UST: variants seen among roughly 807,000 people sequenced by gnomAD.
The protein encoded by UST is chondroitin sulfate 2-O-sulfotransferase.
In UST, 21 loss-of-function variants were observed where a neutral mutation model predicts 45.6. The observed-to-expected ratio is 0.46, with a 90% CI of 0.33 to 0.66. UST has a LOEUF of 0.66. Among genes scored for constraint, UST ranks in the 30% least tolerant of loss-of-function variants. The pLI is 0.02. For missense variants in UST, 463 were observed against 512.4 expected (o/e 0.90, Z 0.93); for synonymous variants, 215 against 200.6 (o/e 1.07, Z -0.61).
chr6:148,847,914 T>C (rs1478196052), intron 1 of UST, among the ~76,000 whole-genome samples: 1 of 152,180 alleles, frequency 6.6e-6, no homozygotes, highest in Non-Finnish European at 1.5e-5. Flanking sequence ...AATTGAGTCT[T>C]TTCTATAATC....
rs572955161 is a variant in UST, at chr6:148,887,971, A to G, written c.291+942A>G. On this transcript the variant is annotated intron_variant, in intron 2 of 7. Coordinates refer to ENST00000367463, the MANE Select transcript of UST (RefSeq NM_005715.3). ...GTAAATACACGGTGAGAAGATAATG[A>G]ACCCCCAACCTTAGAGGCTTTGGGG... 3.9e-5 allele frequency among the ~76,000 whole-genome samples: 6 copies of G among 152,350 alleles called. No homozygotes were observed. The East Asian group carries it at 1.2e-3, about 29-fold the overall frequency.
At chr6:148,955,396 A>G (rs562573113) in intron 4 of UST, among the ~76,000 whole-genome samples, 1 of 152,382 alleles carries the variant, frequency 6.6e-6, no homozygotes, top group African/African-American at 2.4e-5. Flanking sequence ...AGCAGAGAAA[A>G]GGAGCTGCTG....
intron 1 of UST, among the ~76,000 whole-genome samples, chr6:148,805,240 G>C (rs943428566): frequency 5.3e-5 from 8 of 152,150 alleles, no homozygotes; most frequent in African/African-American, 1.7e-4. Context: ...CAATTTGGTT[G>C]TTTATGTAAA....
intron 1 of UST, among the ~76,000 whole-genome samples, chr6:148,780,640 G>C (rs957641205): frequency 1.3e-5 from 2 of 152,134 alleles, no homozygotes; most frequent in African/African-American, 4.8e-5. Flanking sequence ...CAGCTGCATA[G>C]TATTCCATGG....
rs114809092 is a variant in UST, at chr6:149,072,732, G to A, written c.938-1101G>A. ...CTTGAAAACATGCTTAGTGAAATAAGCTAGACAAAAAAAGGACAAATATTG... is the reference window on the plus strand; with the variant it reads ...CTTGAAAACATGCTTAGTGAAATAAACTAGACAAAAAAAGGACAAATATTG... On this transcript the variant is annotated intron_variant, in intron 7 of 7. Coordinates refer to ENST00000367463, the MANE Select transcript of UST (RefSeq NM_005715.3). Among the ~76,000 whole-genome samples the A allele has an allele frequency of 5.0e-3, 761 of 151,604 alleles. 7 individuals are homozygous for A. Among genetic ancestry groups the A allele is most frequent in the African/African-American group, 0.017 (713 of 41,350 alleles).
intron 5 of UST, among the ~76,000 whole-genome samples, chr6:148,979,247 G>A (rs780508874): frequency 6.6e-6 from 1 of 152,164 alleles, no homozygotes; most frequent in African/African-American, 2.4e-5. Context: ...CTGGCAGTCA[G>A]TTCCTCAGTG....
chr6:148,899,787 A>G (rs1457305504), intron 2 of UST, among the ~76,000 whole-genome samples: 1 of 152,200 alleles, frequency 6.6e-6, no homozygotes, highest in East Asian at 1.9e-4. Context: ...TATTAACTTC[A>G]TATCCCTGGT....
intron 7 of UST, among the ~76,000 whole-genome samples, chr6:149,037,613 G>T (rs1776256450): frequency 6.6e-6 from 1 of 152,196 alleles, no homozygotes; most frequent in South Asian, 2.1e-4. Context: ...GCGGCGGCCT[G>T]GCCACAGCCA....
chr6:148,855,196 C>T (rs1778180728), intron 1 of UST, among the ~76,000 whole-genome samples: 1 of 152,170 alleles, frequency 6.6e-6, no homozygotes, highest in Non-Finnish European at 1.5e-5. Context: ...GTGGGAGTTA[C>T]TATTCAAGAT....
intron 1 of UST, among the ~76,000 whole-genome samples, chr6:148,822,080 A>T (rs1012733603): frequency 6.6e-6 from 1 of 152,148 alleles, no homozygotes; most frequent in African/African-American, 2.4e-5. Context: ...GGTTTTTTTT[A>T]GTAGAGAATA....
chr6:149,001,518 A>G (rs560314676), intron 5 of UST, among the ~76,000 whole-genome samples: 1 of 152,368 alleles, frequency 6.6e-6, no homozygotes, highest in Admixed American at 6.5e-5. Context: ...AATCATAGTT[A>G]GGCTCATAGC....
At chr6:148,891,576 C>T (rs550099248) in intron 2 of UST, among the ~76,000 whole-genome samples, 9 of 152,254 alleles carry the variant, frequency 5.9e-5, no homozygotes, top group African/African-American at 2.2e-4. Context: ...AAAGGTCACA[C>T]ACTAAGTAAG....
chr6:148,798,593 T>C (rs575057867), intron 1 of UST, among the ~76,000 whole-genome samples: 1 of 152,184 alleles, frequency 6.6e-6, no homozygotes, highest in Admixed American at 6.5e-5. Context: ...GGATGGATCC[T>C]TGGGGACCAC....
At chr6:148,986,524 T>A (rs1283012146) in intron 5 of UST, among the ~76,000 whole-genome samples, 1 of 152,094 alleles carries the variant, frequency 6.6e-6, no homozygotes, top group Non-Finnish European at 1.5e-5. Flanking sequence ...CATATAGGAG[T>A]ATTTACAGCA....
chr6:148,993,956 C>CTTTTTTT lies in UST; in HGVS notation c.682-25161_682-25155dup, dbSNP rs57552256. Reference sequence around the variant, plus strand: ...TTACCCAGTCTTGAATATTTCTTTCCTTTTTTTTTTTTTTTTTTTTTTTTT... The same window carrying CTTTTTTT: ...TTACCCAGTCTTGAATATTTCTTTCCTTTTTTTTTTTTTTTTTTTTTTTTTTTTTTTT... On this transcript the variant is annotated intron_variant, in intron 5 of 7. Coordinates refer to ENST00000367463, the MANE Select transcript of UST (RefSeq NM_005715.3). Among the ~76,000 whole-genome samples the CTTTTTTT allele has an allele frequency of 1.6e-3, 153 of 95,360 alleles. 13 individuals are homozygous for CTTTTTTT. The highest frequency in any genetic ancestry group is 5.8e-3 in the African/African-American group (127 of 21,858). The allele number at this position is 95,360 out of a possible 152,430, so 62.6% of individuals were successfully genotyped here. A position where few individuals can be genotyped will look rare whatever the true frequency, so the allele number is the denominator to read the frequency against.
chr6:148,754,318 A>T (rs1361047493), intron 1 of UST, among the ~76,000 whole-genome samples: 1 of 152,108 alleles, frequency 6.6e-6, no homozygotes, highest in Admixed American at 6.5e-5. Flanking sequence ...TAAAAAATTT[A>T]TTTCCATAGG....
chr6:148,814,864 G>C (rs1168700410), intron 1 of UST, among the ~76,000 whole-genome samples: 1 of 152,136 alleles, frequency 6.6e-6, no homozygotes, highest in African/African-American at 2.4e-5. Flanking sequence ...TGTTGTTTCT[G>C]CTTATGGGTT....
intron 2 of UST, among the ~76,000 whole-genome samples, chr6:148,940,358 G>C (rs1465236975): frequency 6.7e-6 from 1 of 150,374 alleles, no homozygotes; most frequent in Non-Finnish European, 1.5e-5. Context: ...TTAGCCAGTC[G>C]TGGTGTGTGC....
chr6:148,827,069 C>G (rs1777582847), intron 1 of UST, among the ~76,000 whole-genome samples: 1 of 152,124 alleles, frequency 6.6e-6, no homozygotes, highest in Non-Finnish European at 1.5e-5. Context: ...TTCTACCTAC[C>G]AATAAATAAG....
Sources: allele counts gnomAD v4.1 joint callset (sites outside exome capture counted in the v4.1 genomes callset), GRCh38; gene constraint gnomAD v4.1.1; transcripts MANE v1.5; gene names NCBI Gene and HGNC (gene_info 2026-07-23, HGNC 2026-07-21).